Variants in PSPH observed in about 807,000 individuals in gnomAD.
PSPH encodes the protein L-3-phosphoserine phosphatase.
In PSPH, 16 loss-of-function variants were observed where a neutral mutation model predicts 23.4. The observed-to-expected ratio is 0.68, with a 90% confidence interval of 0.46 to 1.04. PSPH has a LOEUF of 1.04. PSPH is among the 50% of genes least tolerant of loss of function. The probability of loss-of-function intolerance (pLI) is 0.00; values close to 1 mark genes in which losing one functional copy is unlikely to be tolerated. For synonymous variants in PSPH, 68 were observed against 99.7 expected, an observed-to-expected ratio of 0.68 and a Z score of 1.89; for missense variants, 223 against 273.7, an observed-to-expected ratio of 0.81 and a Z score of 1.31.
In PSPH at chr7:56,051,375, C is replaced by G. The variant is rs1794019661; in HGVS notation, c.-529G>C. 1 of 188,226 alleles carries G rather than the reference C, an allele frequency of 5.3e-6. No individual in the cohort carries two copies. 11.7% of individuals were successfully genotyped at this position (188,226 alleles called of 1,614,324 possible). ...CACCGCATGATTCCGGGGGAGGGTG[C>G]TTATCAGACTCGCGTGTGGCCCCAC... is the stretch of plus-strand genomic sequence containing the variant. On this transcript the variant is annotated 5_prime_UTR_variant, in exon 1 of 8. Transcript: ENST00000275605.
At chr7:56,027,889 A>T (rs1172726624) in intron 3 of PSPH, among the ~76,000 whole-genome samples, 1 of 125,938 alleles carries the variant, frequency 7.9e-6, no homozygotes, top group Non-Finnish European at 1.7e-5. Flanking sequence ...TCTTTCTCTA[A>T]AAAAAAAAAA....
intron 5 of PSPH, among the ~76,000 whole-genome samples, chr7:56,018,813 A>G (rs2116609676): frequency 6.6e-6 from 1 of 151,854 alleles, no homozygotes; most frequent in South Asian, 2.1e-4. Flanking sequence ...AGAAAATTAA[A>G]AAAAAAAAAA....
intron 3 of PSPH, among the ~76,000 whole-genome samples, chr7:56,022,274 C>T (rs919814989): frequency 1.3e-5 from 2 of 151,920 alleles, no homozygotes; most frequent in African/African-American, 2.4e-5. Context: ...GGTAGAGCTG[C>T]AGTGAGCTGA....
chr7:56,017,851 T>C (rs185669312), intron 5 of PSPH, among the ~76,000 whole-genome samples: 2 of 151,738 alleles, frequency 1.3e-5, no homozygotes, highest in Non-Finnish European at 2.9e-5. Flanking sequence ...GCCTCCCGAG[T>C]AGCTGGGACA....
intron 6 of PSPH, among the ~76,000 whole-genome samples, chr7:56,016,269 T>G (rs932621478): frequency 9.3e-5 from 14 of 151,108 alleles, no homozygotes; most frequent in Admixed American, 6.6e-4. Flanking sequence ...CCAGGTGTGG[T>G]GGTGGGCACC....
intron 4 of PSPH, 64 bp from the exon 5 acceptor site, chr7:56,019,798 C>G (rs938987560): frequency 6.2e-7 from 1 of 1,600,388 alleles, no homozygotes. Flanking sequence ...ACATGCCTTA[C>G]TGCCCCGGGT....
At chr7:56,013,483 A>C (rs1788203634) in intron 7 of PSPH, among the ~76,000 whole-genome samples, 1 of 151,102 alleles carries the variant, frequency 6.6e-6, no homozygotes, top group Admixed American at 6.7e-5. Flanking sequence ...GCACCACTGC[A>C]CTCCGGCCTA....
At chr7:56,035,595 G>A (rs1213344500) in intron 1 of PSPH, among the ~76,000 whole-genome samples, 1 of 151,902 alleles carries the variant, frequency 6.6e-6, no homozygotes, top group East Asian at 2.0e-4. Flanking sequence ...TCTACCCTTA[G>A]CTACAGGACC....
intron 1 of PSPH, among the ~76,000 whole-genome samples, chr7:56,045,925 G>T (rs1793176493): frequency 6.7e-6 from 1 of 149,692 alleles, no homozygotes; most frequent in Admixed American, 6.7e-5. Context: ...AGTCTCCTGT[G>T]TCAGAGACAA....
Position 56,019,678 on chromosome 7 carries a change from A to C in PSPH, c.197T>G (p.Leu66Ter). 6.2e-7 allele frequency: 1 copy of C among 1,613,896 alleles called. No individual in the cohort carries two copies. The highest frequency in any genetic ancestry group is 8.5e-7 in the Non-Finnish European group (1 of 1,179,856). Residue 66 changes from leucine to a stop codon, truncating the protein, a stop_gained, in exon 5 of 8, where the codon TTA (leucine) becomes TGA (stop). Coordinates refer to ENST00000275605, the MANE Select transcript of PSPH (RefSeq NM_004577.4). LOFTEE classifies it high-confidence loss of function. The stretch of plus-strand genomic sequence containing the variant: ...CTCCCTGGAGGGCTGGATGAGGGCT[A>C]AGCGCTCTGTGAGAGCAGCTTTGAA... ...VPFKAALTER[L>*]ALIQPSREQV...
chr7:56,038,696 C>T (rs1307187606), intron 1 of PSPH, among the ~76,000 whole-genome samples: 2 of 151,488 alleles, frequency 1.3e-5, no homozygotes, highest in Admixed American at 6.6e-5. Flanking sequence ...ATTAGCTGGA[C>T]GTGCACACAC....
At chr7:56,041,118 C>T (rs1376836015) in intron 1 of PSPH, among the ~76,000 whole-genome samples, 1 of 151,926 alleles carries the variant, frequency 6.6e-6, no homozygotes, top group African/African-American at 2.4e-5. Context: ...AATCCAAACA[C>T]TTTGGGAGGC....
At chr7:56,046,875 C>T (rs1003947764) in intron 1 of PSPH, among the ~76,000 whole-genome samples, 1 of 151,318 alleles carries the variant, frequency 6.6e-6, no homozygotes, top group African/African-American at 2.4e-5. Context: ...GTTTTCATAC[C>T]AAGTAGTGAG....
rs1203272809 is a variant in PSPH, at chr7:56,011,734, G to C, written c.*28C>G. ...TATAACTTGTAAAAATTCATCTGAAGTTGTTTGGAGCTGTACGACAATGGA... is the reference window on the plus strand; with the variant it reads ...TATAACTTGTAAAAATTCATCTGAACTTGTTTGGAGCTGTACGACAATGGA... On this transcript the variant is annotated 3_prime_UTR_variant, in exon 8 of 8. Coordinates refer to ENST00000275605, the MANE Select transcript of PSPH (RefSeq NM_004577.4). 6.5e-7 allele frequency: 1 copy of C among 1,543,472 alleles called. No individual in the cohort carries two copies. The highest frequency in any genetic ancestry group is 1.4e-5 in the African/African-American group (1 of 73,198).
intron 1 of PSPH, among the ~76,000 whole-genome samples, chr7:56,046,160 T>G (rs1793216599): frequency 6.6e-6 from 1 of 151,978 alleles, no homozygotes; most frequent in South Asian, 2.1e-4. Context: ...TTTTTAGAGA[T>G]AAAGTTTCAC....
In PSPH at chr7:56,049,068, C is replaced by G. The variant is rs190718949; in HGVS notation, c.-292+2070G>C. Among the ~76,000 whole-genome samples the G allele has an allele frequency of 8.0e-3, 1,214 of 152,022 alleles. 18 individuals are homozygous for G. The highest frequency in any genetic ancestry group is 0.027 in the African/African-American group (1,131 of 41,470). On this transcript the variant is annotated intron_variant, in intron 1 of 7. Transcript: ENST00000275605. ...CCCAGTAGCTGGAACTACACGCACC[C>G]GCCACCATGCCCAGCTAATTTTTTT...
At chr7:56,050,816 GGAA>G (rs1459696983) in intron 1 of PSPH, among the ~76,000 whole-genome samples, 1 of 152,146 alleles carries the variant, frequency 6.6e-6, no homozygotes, top group African/African-American at 2.4e-5. Flanking sequence ...AGAAGTGGGA[GGAA>G]GATTTAATTT....
rs1326344145 is a variant in PSPH at position 56,019,727 on chromosome 7, G to A, written c.148C>T (p.Arg50Ter). 8 of 1,613,244 alleles carry A rather than the reference G, an allele frequency of 5.0e-6. No homozygotes were observed. The highest frequency in any genetic ancestry group is 4.4e-5 in the South Asian group (4 of 91,064). Residue 50 changes from arginine (R) to a stop codon, truncating the protein, a stop_gained, in exon 5 of 8, where the codon CGA becomes TGA. Coordinates refer to ENST00000275605, the MANE Select transcript of PSPH (RefSeq NM_004577.4). LOFTEE classifies it high-confidence loss of function. ...AAAGGCACTGCCCCGCCCATGGCTC[G>A]CCGTGTCCTAGGAGGGAGACCCAAC... ...VEDAVSEMTR[R>*]AMGGAVPFKA... is the part of the protein sequence containing the mutation.
intron 1 of PSPH, among the ~76,000 whole-genome samples, chr7:56,048,332 AAAGT>A (rs1336903838): frequency 6.6e-6 from 1 of 152,098 alleles, no homozygotes; most frequent in African/African-American, 2.4e-5. Flanking sequence ...AAATAACCCT[AAAGT>A]AAGGGACAGT....
Sources: gnomAD v4.1 joint callset for allele counts (sites outside exome capture counted in the v4.1 genomes callset) on GRCh38, gnomAD v4.1.1 for gene constraint, MANE v1.5 for transcripts, NCBI Gene and HGNC (gene_info 2026-07-23, HGNC 2026-07-21) for gene names.